The following ANKMY1 variants were observed in gnomAD, a reference collection of about 807,000 sequenced individuals.
ANKMY1 encodes the protein ankyrin repeat and MYND domain-containing protein 1.
In ANKMY1, 98 loss-of-function variants were observed where a neutral mutation model predicts 102.0. The observed-to-expected ratio is 0.96, with a 90% CI of 0.82 to 1.14. The LOEUF (loss-of-function observed/expected upper bound fraction) is 1.14. Ranked by LOEUF, ANKMY1 falls within the 50% of genes most tolerant of loss-of-function variation. ANKMY1 has a pLI of 0.00. For missense variants in ANKMY1, 1,330 were observed against 1,347.6 expected (o/e 0.99, Z 0.20); for synonymous variants, 582 against 559.9 (o/e 1.04, Z -0.56).
At chr2:240,548,589 C>T (rs527359744) in intron 4 of ANKMY1, among the ~76,000 whole-genome samples, 8 of 151,624 alleles carry the variant, frequency 5.3e-5, no homozygotes, top group South Asian at 4.2e-4. Context: ...TGTTTGCAGA[C>T]GACATGATTG....
chr2:240,528,888 G>T, intron 5 of ANKMY1, 149 bp downstream of exon 5: 3 of 746,286 alleles, frequency 4.0e-6, no homozygotes, highest in Non-Finnish European at 6.6e-6. Flanking sequence ...CTTCATTATC[G>T]CCCACATCAG....
At chr2:240,557,439 G>A (rs763894630) in intron 1 of ANKMY1, 87 bp from the exon 2 acceptor site, 13 of 1,386,686 alleles carry the variant, frequency 9.4e-6, no homozygotes, top group Non-Finnish European at 1.2e-5. Context: ...CGCGGCCCCT[G>A]AGCCTCAGAG....
intron 3 of ANKMY1, 76 bp from the exon 4 acceptor site, chr2:240,553,133 A>G: frequency 2.6e-6 from 4 of 1,536,234 alleles, no homozygotes; most frequent in Non-Finnish European, 3.5e-6. Flanking sequence ...CTGAGCCACC[A>G]TGCCTGGTTG....
chr2:240,538,051 T>C (rs1400728718), intron 4 of ANKMY1, among the ~76,000 whole-genome samples: 2 of 152,262 alleles, frequency 1.3e-5, no homozygotes, highest in Non-Finnish European at 2.9e-5. Flanking sequence ...AATCGTTCAT[T>C]GCTCAATTAA....
intron 15 of ANKMY1, among the ~76,000 whole-genome samples, chr2:240,489,820 G>A (rs933032111): frequency 6.6e-6 from 1 of 152,164 alleles, no homozygotes; most frequent in Non-Finnish European, 1.5e-5. Flanking sequence ...TTTTTGGAAT[G>A]GTTTCAGGAG....
intron 4 of ANKMY1, among the ~76,000 whole-genome samples, chr2:240,548,043 G>C (rs377017039): frequency 6.6e-6 from 1 of 152,170 alleles, no homozygotes; most frequent in East Asian, 1.9e-4. Flanking sequence ...TACCAAAGCC[G>C]GGCAGAGACA....
chr2:240,512,034 C>T (rs765803445), intron 10 of ANKMY1, 33 bp from the exon 11 acceptor site: 17 of 1,505,508 alleles, frequency 1.1e-5, no homozygotes, highest in Non-Finnish European at 1.4e-5. Context: ...CCAGCGCCCA[C>T]GGACCTGCCG....
At chr2:240,490,693 T>A (rs1352856044) in intron 15 of ANKMY1, among the ~76,000 whole-genome samples, 1 of 152,192 alleles carries the variant, frequency 6.6e-6, no homozygotes, top group Non-Finnish European at 1.5e-5. Flanking sequence ...TCTGAGAAGA[T>A]ACCTGGTATG....
In ANKMY1 at chr2:240,506,512, C is replaced by T. The variant is rs1436245802; in HGVS notation, c.2526+1048G>A. 6.6e-6 allele frequency among the ~76,000 whole-genome samples: 1 copy of T among 152,204 alleles called. No homozygotes were observed. The highest frequency in any genetic ancestry group is 2.4e-5 in the African/African-American group (1 of 41,444). ...GGAGACTTAAAATCAGATCTGGAAA[C>T]AGCATCTCAAGATAAGTCTCAGTTC... On this transcript the variant is annotated intron_variant, in intron 13 of 17. Coordinates refer to ENST00000401804, the MANE Select transcript of ANKMY1 (RefSeq NM_001282771.3). The surrounding 1 kb of genome is among the most constrained non-coding windows in gnomAD (Gnocchi z 4.9).
chr2:240,485,276 C>T (rs1256430828), intron 15 of ANKMY1, among the ~76,000 whole-genome samples: 5 of 150,190 alleles, frequency 3.3e-5, no homozygotes, highest in African/African-American at 1.2e-4. Flanking sequence ...TGCAGTGAGC[C>T]GAGATCGCGC....
intron 12 of ANKMY1, among the ~76,000 whole-genome samples, chr2:240,508,002 CA>C (rs1356423517): frequency 6.6e-6 from 1 of 152,232 alleles, no homozygotes; most frequent in Non-Finnish European, 1.5e-5. Flanking sequence ...GCGTGGTTCC[CA>C]GCTCCCACCT....
In ANKMY1 at chr2:240,479,501, T is replaced by G; in HGVS notation, c.*108A>C. 1 of 1,332,130 alleles carries G rather than the reference T, an allele frequency of 7.5e-7. No individual in the cohort carries two copies. Among genetic ancestry groups the G allele is most frequent in the Admixed American group, 1.8e-5 (1 of 56,712 alleles). 82.5% of individuals were successfully genotyped at this position (1,332,130 alleles called of 1,614,324 possible). ...CTGCTACAAAGCATGACCCCAAAGG[T>G]GCAGAAATGCCTGCATTAGGCTGGA... is the stretch of plus-strand genomic sequence containing the variant. On this transcript the variant is annotated 3_prime_UTR_variant, in exon 18 of 18. Transcript: ENST00000401804.
intron 15 of ANKMY1, among the ~76,000 whole-genome samples, chr2:240,498,846 G>C (rs76340265): frequency 6.6e-6 from 1 of 152,160 alleles, no homozygotes; most frequent in East Asian, 1.9e-4. Flanking sequence ...GGACACCCCC[G>C]CCTTCTCTCT....
At chr2:240,514,062 G>A (rs2080752640) in intron 9 of ANKMY1, among the ~76,000 whole-genome samples, 2 of 152,212 alleles carry the variant, frequency 1.3e-5, no homozygotes, top group East Asian at 3.9e-4. Flanking sequence ...CAGTCAGCCG[G>A]AGGCCACACC....
chr2:240,554,734 G>A, intron 3 of ANKMY1, 132 bp downstream of exon 3: 1 of 1,041,606 alleles, frequency 9.6e-7, no homozygotes, highest in South Asian at 1.7e-5. Context: ...ATTTCTCAAG[G>A]AGGAAAAACT....
At chr2:240,496,381 TAGATAGATA>T (rs1476346895) in intron 15 of ANKMY1, among the ~76,000 whole-genome samples, 1 of 151,850 alleles carries the variant, frequency 6.6e-6, no homozygotes, top group Non-Finnish European at 1.5e-5. Flanking sequence ...GATAGATAGA[TAGATAGATA>T]GATAGATAGA....
chr2:240,535,660 T>C (rs929775787), intron 4 of ANKMY1, among the ~76,000 whole-genome samples: 7 of 152,204 alleles, frequency 4.6e-5, no homozygotes, highest in Admixed American at 2.0e-4. Flanking sequence ...AAGTAAGTCA[T>C]GATATATAGG....
rs1229195791 is a variant in ANKMY1 at position 240,524,261 on chromosome 2, G to C, written c.1456C>G (p.Pro486Ala). 2 of 1,613,848 alleles carry C rather than the reference G, an allele frequency of 1.2e-6. No homozygotes were observed. Among genetic ancestry groups the C allele is most frequent in the African/African-American group, 1.3e-5 (1 of 75,042 alleles). The change falls in exon 8 of 18, where the codon CCA becomes GCA. Residue 486 changes from proline (P) to alanine (A), a missense_variant. By Grantham distance (27) the Pro-to-Ala change is conservative. Coordinates refer to ENST00000401804, the MANE Select transcript of ANKMY1 (RefSeq NM_001282771.3). The stretch of plus-strand genomic sequence containing the variant: ...ACGCGTGGCAGGAGCAGTGGTGCTG[G>C]CGGTGGCCTCAGCTCATAGCTACCC... ...SQGSYELRPP[P>A]APLLLPRVSG...
upstream of ANKMY1, chr2:240,560,404 G>A (rs764440802): frequency 8.3e-5 from 26 of 311,472 alleles, no homozygotes; most frequent in Non-Finnish European, 1.5e-4. Flanking sequence ...GGAGGACGGC[G>A]CCCGGGGACA....
Sources: allele counts gnomAD v4.1 joint callset (sites outside exome capture counted in the v4.1 genomes callset), GRCh38; gene constraint gnomAD v4.1.1; non-coding constraint Gnocchi (gnomAD v3.1); transcripts MANE v1.5; gene names NCBI Gene and HGNC (gene_info 2026-07-23, HGNC 2026-07-21).